IRF2: variants seen among roughly 807,000 people sequenced by gnomAD.
IRF2 encodes interferon regulatory factor 2.
IRF2 carries 15 observed loss-of-function variants against 40.6 expected under a neutral mutation model. The ratio of observed to expected loss-of-function variants is 0.37; its 90% CI spans 0.25 to 0.57. The LOEUF (loss-of-function observed/expected upper bound fraction) is 0.57, where lower values mean the gene tolerates loss of function less well. Ranked by LOEUF, IRF2 falls within the 20% of genes least tolerant of loss-of-function variation. The pLI is 0.77. For synonymous variants in IRF2, 151 were observed against 165.5 expected (o/e 0.91, Z 0.67); for missense variants, 317 against 455.7 (o/e 0.70, Z 2.77).
chr4:184,467,125 T>A (rs1739355195), intron 1 of IRF2, among the ~76,000 whole-genome samples: 2 of 152,132 alleles, frequency 1.3e-5, no homozygotes, highest in Non-Finnish European at 2.9e-5. Context: ...CCATCAGCCT[T>A]TCTCATCCCC....
At chr4:184,428,033 G>GT (rs1479064407) in intron 2 of IRF2, among the ~76,000 whole-genome samples, 3 of 152,184 alleles carry the variant, frequency 2.0e-5, no homozygotes, top group Non-Finnish European at 4.4e-5. Context: ...AGTTCTAGAA[G>GT]TTTTTCATTT....
intron 5 of IRF2, among the ~76,000 whole-genome samples, chr4:184,415,450 A>G (rs1737232207): frequency 6.6e-6 from 1 of 152,200 alleles, no homozygotes; most frequent in Non-Finnish European, 1.5e-5. Context: ...CCATGTGAAG[A>G]CACCACCAGT....
chr4:184,404,823 C>T (rs185114472), intron 6 of IRF2, among the ~76,000 whole-genome samples: 193 of 152,296 alleles, frequency 1.3e-3, no homozygotes, highest in Non-Finnish European at 2.4e-3. Context: ...GCTGCATACA[C>T]CTCACCAGGG....
At chr4:184,429,910 A>G (rs1737812902) in intron 1 of IRF2, among the ~76,000 whole-genome samples, 1 of 152,130 alleles carries the variant, frequency 6.6e-6, no homozygotes, top group South Asian at 2.1e-4. Flanking sequence ...AATCACTAAC[A>G]AAGTACCTTC....
At chr4:184,470,066 T>C (rs1423500372) in intron 1 of IRF2, among the ~76,000 whole-genome samples, 2 of 152,148 alleles carry the variant, frequency 1.3e-5, no homozygotes, top group African/African-American at 4.8e-5. Context: ...TTCAGCACAC[T>C]GTGCATGAAG....
At chr4:184,468,396 A>C (rs1285010213) in intron 1 of IRF2, among the ~76,000 whole-genome samples, 2 of 152,218 alleles carry the variant, frequency 1.3e-5, no homozygotes, top group Non-Finnish European at 2.9e-5. Flanking sequence ...CTGAGGCAGA[A>C]GAATCACTTT....
intron 1 of IRF2, among the ~76,000 whole-genome samples, chr4:184,455,875 GCATGAAAATCGCTGTGTGC>G (rs1738906602): frequency 6.6e-6 from 1 of 152,162 alleles, no homozygotes; most frequent in South Asian, 2.1e-4. Context: ...CGAGCCAACC[GCATGAAAATCGCTGTGTGC>G]CAAGCATTAT....
intron 1 of IRF2, among the ~76,000 whole-genome samples, chr4:184,458,276 G>T (rs916855503): frequency 6.6e-6 from 1 of 152,170 alleles, no homozygotes; most frequent in East Asian, 1.9e-4. Context: ...GGCTTGCTGT[G>T]CTTCCATGAA....
At chr4:184,409,090 G>GT (rs1561092020) in intron 5 of IRF2, among the ~76,000 whole-genome samples, 1 of 152,074 alleles carries the variant, frequency 6.6e-6, no homozygotes, top group Non-Finnish European at 1.5e-5. Flanking sequence ...AGCTCTCAAG[G>GT]TAAGTTTGCA....
rs1344949873 is a variant in IRF2 at position 184,408,453 on chromosome 4, G to C, written c.412-178C>G. 6.6e-6 allele frequency among the ~76,000 whole-genome samples: 1 copy of C among 152,136 alleles called. No individual in the cohort carries two copies. Among genetic ancestry groups the C allele is most frequent in the Non-Finnish European group, 1.5e-5 (1 of 68,034 alleles). On this transcript the variant is annotated intron_variant, in intron 5 of 8. Transcript: ENST00000393593. The surrounding 1 kb of genome is among the most constrained non-coding windows in gnomAD (Gnocchi z 4.9). The stretch of plus-strand genomic sequence containing the variant: ...TGTTTTAAAGCACATTTCTGCCCAG[G>C]GTGCACTGCTGGGTATTCAGCTCCT...
chr4:184,425,780 T>C (rs1345290123), intron 2 of IRF2, among the ~76,000 whole-genome samples: 1 of 152,122 alleles, frequency 6.6e-6, no homozygotes, highest in Non-Finnish European at 1.5e-5. Context: ...CAGAAAAACA[T>C]GGACAAAATA....
intron 1 of IRF2, among the ~76,000 whole-genome samples, chr4:184,468,406 T>G (rs35087616): frequency 0.025 from 3,776 of 151,996 alleles, 67 homozygotes; most frequent in Non-Finnish European, 0.042. Context: ...AGAATCACTT[T>G]AACCCAGGAG....
At chr4:184,463,268 C>T (rs1579115998) in intron 1 of IRF2, among the ~76,000 whole-genome samples, 1 of 152,334 alleles carries the variant, frequency 6.6e-6, no homozygotes, top group East Asian at 1.9e-4. Flanking sequence ...TTCCTTCAGT[C>T]CTTTCAGGAC....
At chr4:184,418,797 C>A (rs1737372656) in intron 3 of IRF2, 89 bp from the exon 4 acceptor site, 1 of 1,140,508 alleles carries the variant, frequency 8.8e-7, no homozygotes, top group South Asian at 1.4e-5. Flanking sequence ...GCTGGTCAGG[C>A]AGTATAAGGA....
At chr4:184,414,846 A>G (rs1397465840) in intron 5 of IRF2, among the ~76,000 whole-genome samples, 1 of 152,254 alleles carries the variant, frequency 6.6e-6, no homozygotes, top group African/African-American at 2.4e-5. Flanking sequence ...ATTCATACCT[A>G]GTTACCATAT....
At chr4:184,417,442 C>T (rs761793761) in intron 5 of IRF2, among the ~76,000 whole-genome samples, 11 of 152,144 alleles carry the variant, frequency 7.2e-5, no homozygotes, top group African/African-American at 1.7e-4. Context: ...GGTCTGTGAC[C>T]GCAGTGTATG....
At chr4:184,449,089 C>T (rs1019340225) in intron 1 of IRF2, 3 of 152,814 alleles carry the variant, frequency 2.0e-5, no homozygotes, top group African/African-American at 7.2e-5. Flanking sequence ...AAGAACCGAT[C>T]CTTCCTTCCA....
intron 1 of IRF2, among the ~76,000 whole-genome samples, chr4:184,440,311 G>A (rs941470321): frequency 1.3e-5 from 2 of 152,164 alleles, no homozygotes; most frequent in South Asian, 2.1e-4. Context: ...TCCCTGTCCC[G>A]GCCACCCTCC....
In IRF2 at chr4:184,408,049, C is replaced by T. The variant is rs538832814; in HGVS notation, c.529+109G>A. On this transcript the variant is annotated intron_variant, in intron 6 of 8. Transcript: ENST00000393593. This position sits in a 1 kb window ranked among gnomAD's most constrained non-coding sequence, Gnocchi z 4.9. ...CTGGAACTTGCATTCTGAGATGATTCCAAGACCTCCTCCCACTGACTATGT... is the reference window on the plus strand; with the variant it reads ...CTGGAACTTGCATTCTGAGATGATTTCAAGACCTCCTCCCACTGACTATGT... The T allele has an allele frequency of 1.5e-6, 1 of 663,890 alleles. No homozygotes were observed. The highest frequency in any genetic ancestry group is 1.9e-5 in the South Asian group (1 of 52,114). 41.1% of individuals were successfully genotyped at this position (663,890 alleles called of 1,614,324 possible). A position where few individuals can be genotyped will look rare whatever the true frequency, so the allele number is the denominator to read the frequency against.
Sources: gnomAD v4.1 joint callset for allele counts (sites outside exome capture counted in the v4.1 genomes callset) on GRCh38, gnomAD v4.1.1 for gene constraint, Gnocchi (gnomAD v3.1) non-coding constraint, MANE v1.5 for transcripts, NCBI Gene and HGNC (gene_info 2026-07-23, HGNC 2026-07-21) for gene names.